Variants in CFAP100 observed in about 807,000 individuals in gnomAD.
CFAP100 encodes cilia and flagella associated protein 100.
CFAP100 carries 70 observed loss-of-function variants against 81.5 expected under a neutral mutation model. The ratio of observed to expected loss-of-function variants is 0.86; its 90% CI spans 0.71 to 1.05. The LOEUF (loss-of-function observed/expected upper bound fraction) is 1.05. CFAP100 is among the 50% of genes least tolerant of loss of function. The pLI, the probability that CFAP100 is intolerant of heterozygous loss-of-function variation, is 0.00. For missense variants in CFAP100, 811 were observed against 776.5 expected (o/e 1.04, Z -0.53); for synonymous variants, 341 against 314.8 (o/e 1.08, Z -0.88).
intron 5 of CFAP100, 36 bp downstream of exon 5, chr3:126,416,544 T>G: frequency 6.7e-7 from 1 of 1,493,062 alleles, no homozygotes; most frequent in Non-Finnish European, 9.0e-7. Flanking sequence ...CCTGGGCCAG[T>G]GGCGTCCCAC....
intron 11 of CFAP100, 90 bp downstream of exon 11, chr3:126,420,319 A>G: frequency 6.6e-7 from 1 of 1,523,288 alleles, no homozygotes; most frequent in Non-Finnish European, 8.8e-7. Flanking sequence ...TGAGTGCCAC[A>G]GAAAAGAAAG....
At chr3:126,416,043 T>C (rs1424179214) in intron 4 of CFAP100, among the ~76,000 whole-genome samples, 4 of 152,180 alleles carry the variant, frequency 2.6e-5, no homozygotes, top group African/African-American at 9.7e-5. Context: ...ACATCATCTT[T>C]TCGGGTAAGC....
At chr3:126,413,348 C>T (rs540560917) in intron 3 of CFAP100, among the ~76,000 whole-genome samples, 10 of 152,322 alleles carry the variant, frequency 6.6e-5, no homozygotes, top group African/African-American at 2.4e-4. Flanking sequence ...CCCTCCCTGT[C>T]TTCCAGAGCT....
chr3:126,424,780 C>T (rs1291198835), intron 13 of CFAP100, among the ~76,000 whole-genome samples: 1 of 152,182 alleles, frequency 6.6e-6, no homozygotes, highest in African/African-American at 2.4e-5. Context: ...AGAAAGAGGG[C>T]TAAAATGGAG....
intron 13 of CFAP100, among the ~76,000 whole-genome samples, chr3:126,424,713 T>C (rs1307469434): frequency 6.6e-6 from 1 of 152,180 alleles, no homozygotes. Flanking sequence ...AACAAACAGA[T>C]CCACAGATGT....
intron 13 of CFAP100, chr3:126,432,853 T>C: frequency 2.3e-6 from 1 of 431,536 alleles, no homozygotes; most frequent in Non-Finnish European, 4.1e-6. Flanking sequence ...TGAAGCTGTT[T>C]ATTTTCTTTA....
In CFAP100 at chr3:126,414,193, AC is replaced by A; in HGVS notation, c.225+15del. 6.3e-7 allele frequency: 1 copy of A among 1,598,432 alleles called. No individual in the cohort carries two copies. The highest frequency in any genetic ancestry group is 8.6e-7 in the Non-Finnish European group (1 of 1,165,688). On this transcript the variant is annotated intron_variant, in intron 4 of 16. Coordinates refer to ENST00000352312, the MANE Select transcript of CFAP100 (RefSeq NM_182628.3). Reference sequence around the variant, plus strand: ...AAGGCTCTCTCCGTGAGTATCCAGGACAGACGCCAGCACCTCCGGGAGCTTC... The same window carrying A: ...AAGGCTCTCTCCGTGAGTATCCAGGAAGACGCCAGCACCTCCGGGAGCTTC...
intron 7 of CFAP100, 27 bp from the exon 8 acceptor site, chr3:126,419,049 C>CCCCCCCCCCCCCCCCCCCCCA: frequency 9.7e-7 from 1 of 1,029,110 alleles, no homozygotes; most frequent in Admixed American, 2.5e-5. Context: ...TGCCCCCATC[C>CCCCCCCCCCCCCCCCCCCCCA]CTCCTCCCCC....
intron 2 of CFAP100, among the ~76,000 whole-genome samples, chr3:126,400,516 G>A (rs1206473965): frequency 6.6e-6 from 1 of 152,060 alleles, no homozygotes; most frequent in Non-Finnish European, 1.5e-5. Flanking sequence ...CATTTCGGGA[G>A]GCCAAGGCGG....
At chr3:126,432,669 C>G (rs948315408) in intron 13 of CFAP100, 1 of 157,362 alleles carries the variant, frequency 6.4e-6, no homozygotes, top group Non-Finnish European at 1.4e-5. Flanking sequence ...GGCTTAAGAC[C>G]AAAGGATAGA....
At chr3:126,426,420 A>C (rs981975461) in intron 13 of CFAP100, among the ~76,000 whole-genome samples, 9 of 147,082 alleles carry the variant, frequency 6.1e-5, no homozygotes, top group Non-Finnish European at 1.0e-4. Flanking sequence ...ATGCCACTAT[A>C]CTCCACCCTG....
Position 126,418,766 on chromosome 3 carries a change from C to T in CFAP100, c.642C>T (p.Ala214=). The part of the protein sequence containing the change: ...VRENDCSSVQ[A]MRAAEKETKA... Reference sequence around the variant, plus strand: ...AGAATGACTGCAGCTCCGTGCAGGCCATGAGAGCGTGAGCCTGCGGGCCCG... The same window carrying T: ...AGAATGACTGCAGCTCCGTGCAGGCTATGAGAGCGTGAGCCTGCGGGCCCG... Residue 214 remains alanine (A), a synonymous_variant, in exon 7 of 17, where the codon GCC becomes GCT. Coordinates refer to ENST00000352312, the MANE Select transcript of CFAP100 (RefSeq NM_182628.3). The T allele has an allele frequency of 6.3e-7, 1 of 1,590,638 alleles. No individual in the cohort carries two copies. The highest frequency in any genetic ancestry group is 8.5e-7 in the Non-Finnish European group (1 of 1,170,428).
At chr3:126,423,672 G>A (rs1411583921) in intron 13 of CFAP100, 28 bp downstream of exon 13, 7 of 1,611,974 alleles carry the variant, frequency 4.3e-6, no homozygotes, top group Admixed American at 1.7e-5. Context: ...GCCAGTGGGG[G>A]CTCCCTGCCG....
chr3:126,429,119 A>G (rs1031321443), intron 13 of CFAP100, among the ~76,000 whole-genome samples: 1 of 90,524 alleles, frequency 1.1e-5, no homozygotes, highest in Non-Finnish European at 2.7e-5. Context: ...AAAAAAAAAA[A>G]AAAAAAAAAA....
At chr3:126,404,277 A>G (rs2107588301) in intron 2 of CFAP100, among the ~76,000 whole-genome samples, 1 of 152,376 alleles carries the variant, frequency 6.6e-6, no homozygotes, top group Non-Finnish European at 1.5e-5. Flanking sequence ...CAAAAGAGTC[A>G]GAATCAGGTT....
intron 8 of CFAP100, 47 bp downstream of exon 8, chr3:126,419,203 C>A (rs2083291434): frequency 1.5e-6 from 2 of 1,303,634 alleles, no homozygotes; most frequent in African/African-American, 1.5e-5. Context: ...ACCTCCTGGT[C>A]CCTCAGTCAT....
Position 126,416,082 on chromosome 3 carries a change from A to G in CFAP100, c.226-234A>G, listed in dbSNP as rs578057547. Among the ~76,000 whole-genome samples, 8 of 152,192 alleles carry G rather than the reference A, an allele frequency of 5.3e-5. No individual in the cohort carries two copies. In the South Asian group the frequency reaches 1.7e-3, roughly 31 times the overall value. ...CCCCCTCTGTGGGTCTGGAGTGCTC[A>G]TCTGACCGGGCAGCCTGTGTTTGAC... is the stretch of plus-strand genomic sequence containing the variant. On this transcript the variant is annotated intron_variant, in intron 4 of 16. Transcript: ENST00000352312.
intron 4 of CFAP100, among the ~76,000 whole-genome samples, chr3:126,415,620 C>T (rs2083223439): frequency 6.6e-6 from 1 of 152,156 alleles, no homozygotes; most frequent in South Asian, 2.1e-4. Context: ...CCTGGTAGGT[C>T]CCAGCAGGAA....
chr3:126,433,199 C>G lies in CFAP100; in HGVS notation c.1417C>G (p.Gln473Glu). The change falls in exon 14 of 17, where the codon CAG becomes GAG. Residue 473 changes from glutamine (Q) to glutamate (E), a missense_variant. Gln to Glu is a conservative substitution (Grantham distance 29, BLOSUM62 2). Coordinates refer to ENST00000352312, the MANE Select transcript of CFAP100 (RefSeq NM_182628.3). ...VFHFGEYKGD[Q>E]QDKLLESLNC... The stretch of plus-strand genomic sequence containing the variant: ...CCACTTCGGCGAGTACAAGGGCGAT[C>G]AGCAGGTAGGCTGGGGATCAAGGTG... 1.2e-6 allele frequency: 2 copies of G among 1,614,128 alleles called. No homozygotes were observed. Among genetic ancestry groups the G allele is most frequent in the Non-Finnish European group, 1.7e-6 (2 of 1,179,970 alleles).
Sources: gnomAD v4.1 joint callset for allele counts (sites outside exome capture counted in the v4.1 genomes callset) on GRCh38, gnomAD v4.1.1 for gene constraint, MANE v1.5 for transcripts, NCBI Gene and HGNC (gene_info 2026-07-23, HGNC 2026-07-21) for gene names.